KLHL18: variants seen among roughly 807,000 people sequenced by gnomAD.
KLHL18 encodes kelch-like protein 18.
A neutral mutation model predicts 58.5 loss-of-function variants in KLHL18; 38 were observed. The observed-to-expected ratio is 0.65, with a 90% confidence interval of 0.50 to 0.85. The LOEUF (loss-of-function observed/expected upper bound fraction) is 0.85, where lower values mean the gene tolerates loss of function less well. Ranked by LOEUF, KLHL18 falls within the 40% of genes least tolerant of loss-of-function variation. The pLI, the probability that KLHL18 is intolerant of heterozygous loss-of-function variation, is 0.00. For missense variants in KLHL18, 624 were observed against 778.4 expected (o/e 0.80, Z 2.36); for synonymous variants, 303 against 301.9 (o/e 1.00, Z -0.04).
rs1400701621 is a variant in KLHL18 at position 47,344,293 on chromosome 3, C to A, written c.*352C>A. Reference sequence around the variant, plus strand: ...CAGAAGGCCTTCCATCTGATGCTCCCCATCGCCTGCTTGCTCTCCAGCCGA... The same window carrying A: ...CAGAAGGCCTTCCATCTGATGCTCCACATCGCCTGCTTGCTCTCCAGCCGA... On this transcript the variant is annotated 3_prime_UTR_variant, in exon 10 of 10. Coordinates refer to ENST00000232766, the MANE Select transcript of KLHL18 (RefSeq NM_025010.5). 1 of 315,956 alleles carries A rather than the reference C, an allele frequency of 3.2e-6. No individual in the cohort carries two copies. Among genetic ancestry groups the A allele is most frequent in the East Asian group, 8.7e-5 (1 of 11,476 alleles). The allele number at this position is 315,956 out of a possible 1,614,324, so 19.6% of individuals were successfully genotyped here. A position where few individuals can be genotyped will look rare whatever the true frequency, so the allele number is the denominator to read the frequency against.
At position 47,344,882 on chromosome 3, in the gene KLHL18, G is replaced by A. The variant is rs1277498992; in HGVS notation, c.*941G>A. On this transcript the variant is annotated 3_prime_UTR_variant, in exon 10 of 10. Coordinates refer to ENST00000232766, the MANE Select transcript of KLHL18 (RefSeq NM_025010.5). ...CACTCTTGACTGGGCCTGTAGTAAG[G>A]TGCTCATGGGGTTTGTCTTCTCACC... 2 of 152,552 alleles carry A rather than the reference G, an allele frequency of 1.3e-5. No individual in the cohort carries two copies. The highest frequency in any genetic ancestry group is 2.9e-5 in the Non-Finnish European group (2 of 68,070). 9.4% of individuals were successfully genotyped at this position (152,552 alleles called of 1,614,324 possible).
Position 47,343,611 on chromosome 3 carries a change from C to T in KLHL18, c.1395C>T (p.Asn465=), listed in dbSNP as rs992515322. 5 of 1,614,052 alleles carry T rather than the reference C, an allele frequency of 3.1e-6. No homozygotes were observed. The highest frequency in any genetic ancestry group is 4.2e-6 in the Non-Finnish European group (5 of 1,180,042). Residue 465 remains asparagine, a synonymous_variant, in exon 10 of 10, where the codon AAC becomes AAT. Transcript: ENST00000232766. ...GGCACCCTGCAGCTGGCATGCTCAA[C>T]AAGCGCTGCCGGCACGGAGCCGCCT... ...ATWHPAAGML[N]KRCRHGAASL...
intron 1 of KLHL18, among the ~76,000 whole-genome samples, chr3:47,314,623 G>A (rs908722557): frequency 2.6e-5 from 4 of 151,872 alleles, no homozygotes; most frequent in African/African-American, 4.8e-5. Context: ...ATGAGCCACC[G>A]CGCCCTGCAC....
intron 2 of KLHL18, 89 bp downstream of exon 2, chr3:47,319,872 C>T: frequency 5.9e-6 from 8 of 1,360,746 alleles, no homozygotes; most frequent in Non-Finnish European, 8.3e-6. Context: ...TGCAGCAGGA[C>T]ACAGTGTCTA....
At chr3:47,300,313 G>A (rs868142796) in intron 1 of KLHL18, among the ~76,000 whole-genome samples, 54 of 88,190 alleles carry the variant, frequency 6.1e-4, no homozygotes, top group Middle Eastern at 0.013. Flanking sequence ...ATATATATGT[G>A]TGTATATATG....
In KLHL18 at chr3:47,341,901, A is replaced by G. The variant is rs1704116811; in HGVS notation, c.1227-818A>G. Among the ~76,000 whole-genome samples, 4 of 150,440 alleles carry G rather than the reference A, an allele frequency of 2.7e-5. No individual in the cohort carries two copies. The South Asian group carries it at 8.5e-4, about 32-fold the overall frequency. On this transcript the variant is annotated intron_variant, in intron 8 of 9. Coordinates refer to ENST00000232766, the MANE Select transcript of KLHL18 (RefSeq NM_025010.5). ...AAGAGAGACCCTGTCTCTTTTAAAA[A>G]AAAAAAAAAAAAAAAAGGAGAGAGA...
intron 4 of KLHL18, among the ~76,000 whole-genome samples, chr3:47,330,572 G>C (rs1230750044): frequency 6.6e-6 from 1 of 152,058 alleles, no homozygotes; most frequent in Non-Finnish European, 1.5e-5. Context: ...GATTATAGGC[G>C]TGAGCCACCG....
intron 1 of KLHL18, among the ~76,000 whole-genome samples, chr3:47,300,296 T>TAC (rs1702989769): frequency 6.9e-6 from 1 of 145,938 alleles, no homozygotes; most frequent in Non-Finnish European, 1.5e-5. Flanking sequence ...TTTATATATA[T>TAC]ATATATATAT....
intron 1 of KLHL18, chr3:47,297,815 G>T: frequency 2.9e-6 from 1 of 348,860 alleles, no homozygotes; most frequent in South Asian, 2.2e-5. Flanking sequence ...CTTTCTTTGG[G>T]AAGAATATTC....
At chr3:47,291,146 T>A (rs1702783468) in intron 1 of KLHL18, among the ~76,000 whole-genome samples, 1 of 152,218 alleles carries the variant, frequency 6.6e-6, no homozygotes, top group Non-Finnish European at 1.5e-5. Context: ...TACATGAGAC[T>A]CCATTGTTTG....
rs911529241 is a variant in KLHL18 at position 47,334,970 on chromosome 3, G to A, written c.898+151G>A. On this transcript the variant is annotated intron_variant, in intron 6 of 9. Coordinates refer to ENST00000232766, the MANE Select transcript of KLHL18 (RefSeq NM_025010.5). The surrounding 1 kb of genome is among the most constrained non-coding windows in gnomAD (Gnocchi z 4.7). ...TTTATACAATTGCTCTACAGTTAGA[G>A]CATGTCACATATTCATGCCATTGAA... 1.4e-5 allele frequency: 11 copies of A among 777,226 alleles called. No individual in the cohort carries two copies. In the African/African-American group the frequency reaches 1.6e-4, roughly 11 times the overall value. The allele number at this position is 777,226 out of a possible 1,614,324, so 48.1% of individuals were successfully genotyped here.
chr3:47,333,254 G>A lies in KLHL18; in HGVS notation c.698G>A (p.Arg233Gln), dbSNP rs143338649. The A allele has an allele frequency of 1.3e-4, 211 of 1,614,130 alleles. No homozygotes were observed. The African/African-American group carries it at 2.4e-3, about 19-fold the overall frequency. ...LLSNIRLPLC[R>Q]PQFLSDRVQQ... ...TCCAATATCCGCCTGCCCCTCTGTC[G>A]GCCCCAGTTCCTTTCAGACAGAGTA... The change falls in exon 5 of 10, where the codon CGG becomes CAG. Residue 233 changes from arginine (R) to glutamine (Q), a missense_variant. Transcript: ENST00000232766.
intron 3 of KLHL18, among the ~76,000 whole-genome samples, 192 bp from the exon 4 acceptor site, chr3:47,329,759 G>C (rs1703811319): frequency 6.6e-6 from 1 of 152,146 alleles, no homozygotes; most frequent in Admixed American, 6.5e-5. Flanking sequence ...CAAAAGGCAG[G>C]GACCTTTGAG....
chr3:47,340,973 G>A (rs1440741515), intron 8 of KLHL18, among the ~76,000 whole-genome samples: 1 of 152,040 alleles, frequency 6.6e-6, no homozygotes, highest in Non-Finnish European at 1.5e-5. Flanking sequence ...GGAATAAGAA[G>A]TAGATGAACA....
At chr3:47,317,871 C>T (rs1703492577) in intron 1 of KLHL18, among the ~76,000 whole-genome samples, 1 of 152,078 alleles carries the variant, frequency 6.6e-6, no homozygotes, top group South Asian at 2.1e-4. Flanking sequence ...TAACAAACTA[C>T]CCCAAAATTT....
At chr3:47,288,305 C>T (rs893503603) in intron 1 of KLHL18, among the ~76,000 whole-genome samples, 1 of 151,904 alleles carries the variant, frequency 6.6e-6, no homozygotes, top group Non-Finnish European at 1.5e-5. Flanking sequence ...GACCCAAGCC[C>T]AGAAAGGGAA....
Position 47,334,962 on chromosome 3 carries a change from C to T in KLHL18, c.898+143C>T, listed in dbSNP as rs1703950720. On this transcript the variant is annotated intron_variant, in intron 6 of 9. Transcript: ENST00000232766. This position sits in a 1 kb window ranked among gnomAD's most constrained non-coding sequence, Gnocchi z 4.7. ...CTCTTGATTTTATACAATTGCTCTA[C>T]AGTTAGAGCATGTCACATATTCATG... 4 of 788,344 alleles carry T rather than the reference C, an allele frequency of 5.1e-6. No individual in the cohort carries two copies. The highest frequency in any genetic ancestry group is 7.9e-6 in the Non-Finnish European group (4 of 503,946). The allele number at this position is 788,344 out of a possible 1,614,324, so 48.8% of individuals were successfully genotyped here.
chr3:47,296,673 C>A (rs1445406335), intron 1 of KLHL18, among the ~76,000 whole-genome samples: 2 of 152,128 alleles, frequency 1.3e-5, no homozygotes, highest in African/African-American at 4.8e-5. Flanking sequence ...TGGTACATTG[C>A]AAGATGAATA....
At chr3:47,288,152 C>T (rs1484792412) in intron 1 of KLHL18, among the ~76,000 whole-genome samples, 5 of 132,596 alleles carry the variant, frequency 3.8e-5, no homozygotes, top group African/African-American at 8.6e-5. Flanking sequence ...ACCTGGGAGG[C>T]GGAGGTTGCA....
Sources: allele counts gnomAD v4.1 joint callset (sites outside exome capture counted in the v4.1 genomes callset), GRCh38; gene constraint gnomAD v4.1.1; non-coding constraint Gnocchi (gnomAD v3.1); transcripts MANE v1.5; gene names NCBI Gene and HGNC (gene_info 2026-07-23, HGNC 2026-07-21).